The following SVEP1 variants were observed in gnomAD, a reference collection of about 807,000 sequenced individuals.
The protein encoded by SVEP1 is sushi, von Willebrand factor type A, EGF and pentraxin domain-containing protein 1.
Under a neutral mutation model 367.3 loss-of-function variants are expected in SVEP1, and 164 were observed. That is an observed-to-expected ratio of 0.45 (90% CI 0.39 to 0.51). The LOEUF is 0.51. Ranked by LOEUF, SVEP1 falls within the 20% of genes least tolerant of loss-of-function variation. The pLI, the probability that SVEP1 is intolerant of heterozygous loss-of-function variation, is 0.00. For synonymous variants in SVEP1, 1,666 were observed against 1,611.6 expected (o/e 1.03, Z -0.81); for missense variants, 4,117 against 4,425.3 (o/e 0.93, Z 1.98).
chr9:110,543,266 T>C (rs1481592537), intron 3 of SVEP1, among the ~76,000 whole-genome samples: 1 of 152,128 alleles, frequency 6.6e-6, no homozygotes, highest in Non-Finnish European at 1.5e-5. Context: ...GATGACCATA[T>C]GAAAATTTGT....
intron 13 of SVEP1, among the ~76,000 whole-genome samples, chr9:110,478,227 T>C (rs906811954): frequency 2.6e-5 from 4 of 152,208 alleles, no homozygotes; most frequent in African/African-American, 9.7e-5. Context: ...TAGTGAGGCT[T>C]TCCCATCTTC....
chr9:110,457,283 C>T lies in SVEP1; in HGVS notation c.3646G>A (p.Val1216Ile), dbSNP rs763181334. 34 of 1,612,422 alleles carry T rather than the reference C, an allele frequency of 2.1e-5. No homozygotes were observed. The highest frequency in any genetic ancestry group is 2.8e-5 in the Non-Finnish European group (33 of 1,179,566). ...GTCQQLGRGY[V>I]CLCPLGYTGL... is the part of the protein sequence containing the mutation. ...GTATATCCAAGTGGACAGAGACAAA[C>T]ATAACCACGCCCAAGTTGCTGGCAG... Residue 1216 changes from valine to isoleucine, a missense_variant, in exon 21 of 48, where the codon GTT (valine) becomes ATT (isoleucine). Transcript: ENST00000374469.
chr9:110,500,219 C>T (rs1216989946), intron 6 of SVEP1, among the ~76,000 whole-genome samples: 2 of 152,184 alleles, frequency 1.3e-5, no homozygotes, highest in East Asian at 1.9e-4. Context: ...TATTTCTGCA[C>T]GGTGTGAACT....
chr9:110,377,689 C>T (rs181754710), intron 44 of SVEP1, among the ~76,000 whole-genome samples: 2 of 152,332 alleles, frequency 1.3e-5, no homozygotes, highest in East Asian at 1.9e-4. Context: ...TTCATCCCCT[C>T]ACATAGTTAT....
chr9:110,400,256 C>G (rs12238662), intron 40 of SVEP1, among the ~76,000 whole-genome samples: 29,404 of 152,100 alleles, frequency 0.19, 2,996 homozygotes, highest in Middle Eastern at 0.32. Context: ...ACCAGCAAGC[C>G]GAAACACAGT....
At chr9:110,565,409 T>C (rs1009148896) in intron 1 of SVEP1, among the ~76,000 whole-genome samples, 3 of 152,184 alleles carry the variant, frequency 2.0e-5, no homozygotes, top group African/African-American at 7.2e-5. Context: ...AGGTGGAGTG[T>C]TGACCTTGGA....
chr9:110,391,626 TTGG>T (rs1827657071), intron 40 of SVEP1, among the ~76,000 whole-genome samples: 1 of 152,118 alleles, frequency 6.6e-6, no homozygotes, highest in Non-Finnish European at 1.5e-5. Context: ...CTTTAAACTT[TTGG>T]AAACATCCTG....
Position 110,460,931 on chromosome 9 carries a change from T to C in SVEP1, c.3323-1818A>G, listed in dbSNP as rs1332668139. On this transcript the variant is annotated intron_variant, in intron 18 of 47. Coordinates refer to ENST00000374469, the MANE Select transcript of SVEP1 (RefSeq NM_153366.4). ...TTGTGAATTACGTAAAAATAACTCT[T>C]TTCTTCCTCATGTGATGCTACTGGG... is the stretch of plus-strand genomic sequence containing the variant. Among the ~76,000 whole-genome samples, 4 of 152,194 alleles carry C rather than the reference T, an allele frequency of 2.6e-5. No homozygotes were observed. In the South Asian group the frequency reaches 6.2e-4, roughly 24 times the overall value.
rs190851715 is a variant in SVEP1, at chr9:110,427,728, C to T, written c.5838G>A (p.Thr1946=). The T allele has an allele frequency of 2.9e-5, 46 of 1,613,070 alleles. No homozygotes were observed. The Admixed American group carries it at 6.0e-4, about 21-fold the overall frequency. The change falls in exon 36 of 48, where the codon ACG becomes ACA. Residue 1946 remains threonine (T), a synonymous_variant. Coordinates refer to ENST00000374469, the MANE Select transcript of SVEP1 (RefSeq NM_153366.4). ...SLQGPSIIEC[T]ASGIWDRAPP... ...GCGCTCTGTCCCAGATGCCAGAAGC[C>T]GTGCATTCAATAATGGAAGGGCCCT...
chr9:110,447,629 G>C (rs1016196481), intron 24 of SVEP1, among the ~76,000 whole-genome samples: 1 of 152,176 alleles, frequency 6.6e-6, no homozygotes. Context: ...GTCAAATGTT[G>C]ACAAGAGTGT....
At chr9:110,438,373 G>A (rs1250743263) in intron 27 of SVEP1, among the ~76,000 whole-genome samples, 1 of 151,410 alleles carries the variant, frequency 6.6e-6, no homozygotes, top group African/African-American at 2.4e-5. Context: ...GTATTTTTAG[G>A]AGAGATGGGG....
chr9:110,450,994 T>C (rs1468096502), intron 23 of SVEP1, among the ~76,000 whole-genome samples: 1 of 152,184 alleles, frequency 6.6e-6, no homozygotes, highest in African/African-American at 2.4e-5. Context: ...GTTTGCAATA[T>C]GATATTACAT....
chr9:110,375,087 G>A (rs1001344470), intron 46 of SVEP1, among the ~76,000 whole-genome samples: 4 of 151,834 alleles, frequency 2.6e-5, no homozygotes, highest in African/African-American at 9.7e-5. Context: ...TCTGTGTAAT[G>A]TCTTCTCTAT....
intron 5 of SVEP1, among the ~76,000 whole-genome samples, chr9:110,508,334 T>C (rs940404096): frequency 2.6e-5 from 4 of 152,172 alleles, no homozygotes; most frequent in Non-Finnish European, 5.9e-5. Context: ...AGTCTCCAAA[T>C]TGTGATATCT....
intron 22 of SVEP1, among the ~76,000 whole-genome samples, chr9:110,454,273 C>A (rs1408289176): frequency 6.6e-6 from 1 of 152,176 alleles, no homozygotes; most frequent in South Asian, 2.1e-4. Context: ...CTCAGCCATA[C>A]ATCCTTTGCC....
In SVEP1 at chr9:110,411,172, C is replaced by G. The variant is rs750910200; in HGVS notation, c.6539G>C (p.Gly2180Ala). ...GGCTTCGCAGGTGCTCTTCTTTTCC[C>G]CTTTGATGTAGAACCCCTTGTTGCA... ...YSCNKGFYIKGEKKSTCEATG... is the reference protein window; with the variant it reads ...YSCNKGFYIKAEKKSTCEATG... Residue 2180 changes from glycine to alanine, a missense_variant, in exon 37 of 48, where the codon GGG (glycine) becomes GCG (alanine). Gly to Ala is a moderately conservative substitution (Grantham distance 60). Around this residue, in one of 4 missense-constraint regions of SVEP1, gnomAD observed 1,765 missense variants for 1,781.1 expected, o/e 0.99. Transcript: ENST00000374469. The G allele has an allele frequency of 1.5e-5, 24 of 1,613,868 alleles. No homozygotes were observed. The highest frequency in any genetic ancestry group is 2.0e-5 in the Non-Finnish European group (24 of 1,179,898).
Position 110,375,463 on chromosome 9 carries a change from GCTAAA to G in SVEP1, c.10505-5_10505-1del. 7.7e-6 allele frequency: 3 copies of G among 387,740 alleles called. No individual in the cohort carries two copies. Among genetic ancestry groups the G allele is most frequent in the Non-Finnish European group, 7.5e-6 (2 of 265,452 alleles). 24.0% of individuals were successfully genotyped at this position (387,740 alleles called of 1,614,324 possible). On this transcript the variant is annotated splice_acceptor_variant and splice_polypyrimidine_tract_variant and intron_variant, in intron 45 of 47. Transcript: ENST00000374469. LOFTEE classifies it high-confidence loss of function. Reference sequence around the variant, plus strand: ...GTTCAGACAGGGAAGAATGCAGATTGCTAAAAAAAAAAAAAAAAAAAAAAAAAGGA... The same window carrying G: ...GTTCAGACAGGGAAGAATGCAGATTGAAAAAAAAAAAAAAAAAAAAAAGGA...
rs757510052 is a variant in SVEP1, at chr9:110,430,454, G to A, written c.5354-4C>T. 9 of 1,604,786 alleles carry A rather than the reference G, an allele frequency of 5.6e-6. No individual in the cohort carries two copies. Among genetic ancestry groups the A allele is most frequent in the South Asian group, 5.6e-5 (5 of 89,412 alleles). ...GGAGCCTTACATTTTATAGGTTCTA[G>A]AAACAGACAGTTTTGGTGGAATAAT... On this transcript the variant is annotated splice_polypyrimidine_tract_variant and splice_region_variant and intron_variant, in intron 32 of 47. Coordinates refer to ENST00000374469, the MANE Select transcript of SVEP1 (RefSeq NM_153366.4).
chr9:110,441,304 C>G (rs1041648604), intron 27 of SVEP1, among the ~76,000 whole-genome samples: 13 of 152,190 alleles, frequency 8.5e-5, no homozygotes, highest in Non-Finnish European at 1.8e-4. Context: ...ATACTCCCAT[C>G]TTACAACAAC....
Sources: gnomAD v4.1 joint callset for allele counts (sites outside exome capture counted in the v4.1 genomes callset) on GRCh38, gnomAD v4.1.1 for gene constraint, gnomAD v4.1.1 regional missense constraint, MANE v1.5 for transcripts, NCBI Gene and HGNC (gene_info 2026-07-23, HGNC 2026-07-21) for gene names.